Variants in DPY19L2 observed in about 807,000 individuals in gnomAD.
The protein encoded by DPY19L2 is probable C-mannosyltransferase DPY19L2.
Under a neutral mutation model 97.9 loss-of-function variants are expected in DPY19L2, and 34 were observed. The ratio of observed to expected loss-of-function variants is 0.35; its 90% confidence interval spans 0.26 to 0.46. The LOEUF (loss-of-function observed/expected upper bound fraction) is 0.46, where lower values mean the gene tolerates loss of function less well. Among genes scored for constraint, DPY19L2 ranks in the 20% least tolerant of loss-of-function variants. The probability of loss-of-function intolerance (pLI) is 1.00; values close to 1 mark genes in which losing one functional copy is unlikely to be tolerated. For missense variants in DPY19L2, 623 were observed against 911.4 expected, an observed-to-expected ratio of 0.68 and a Z score of 4.07; for synonymous variants, 230 against 307.9, an observed-to-expected ratio of 0.75 and a Z score of 2.65.
intron 21 of DPY19L2, among the ~76,000 whole-genome samples, chr12:63,565,820 C>T (rs1199538271): frequency 6.6e-6 from 1 of 151,960 alleles, no homozygotes; most frequent in Non-Finnish European, 1.5e-5. Context: ...TTGTTTGTTG[C>T]CTTTTGGGTT....
Position 63,661,445 on chromosome 12 carries a change from C to T in DPY19L2, c.487G>A (p.Ala163Thr). 1.3e-6 allele frequency: 2 copies of T among 1,599,200 alleles called. No individual in the cohort carries two copies. Among genetic ancestry groups the T allele is most frequent in the South Asian group, 2.3e-5 (2 of 87,644 alleles). ...YYSYFKTIIE[A>T]PSFLEGLWMI... ...CACAGTCCTTCCAAAAACGAAGGTGCTTCAATAATGGTCTTGAAGTATGAA... is the reference window on the plus strand; with the variant it reads ...CACAGTCCTTCCAAAAACGAAGGTGTTTCAATAATGGTCTTGAAGTATGAA... The change falls in exon 4 of 22, where the codon GCA (alanine) becomes ACA (threonine). Residue 163 changes from alanine to threonine, a missense_variant. Around this residue, in one of 6 missense-constraint regions of DPY19L2, gnomAD observed 84 missense variants for 125.4 expected, o/e 0.67. Coordinates refer to ENST00000324472, the MANE Select transcript of DPY19L2 (RefSeq NM_173812.5).
At position 63,569,306 on chromosome 12, in the gene DPY19L2, C is replaced by A; in HGVS notation, c.2044G>T (p.Ala682Ser). ...IVYSTYSRKS[A>S]KEVRDKLLEL... ...AACAATTTATCTCTTACTTCTTTGG[C>A]AGATTTTCGACTATATGTAGAATAA... Residue 682 changes from alanine (A) to serine (S), a missense_variant, in exon 21 of 22, where the codon GCC becomes TCC. Around this residue, in one of 6 missense-constraint regions of DPY19L2, gnomAD observed 294 missense variants for 446.2 expected, o/e 0.66. Transcript: ENST00000324472. 1.3e-6 allele frequency: 2 copies of A among 1,598,946 alleles called. No individual in the cohort carries two copies. Among genetic ancestry groups the A allele is most frequent in the Middle Eastern group, 2.3e-4 (1 of 4,386 alleles).
At chr12:63,563,715 T>C (rs555793592) in intron 21 of DPY19L2, among the ~76,000 whole-genome samples, 1 of 152,150 alleles carries the variant, frequency 6.6e-6, no homozygotes, top group African/African-American at 2.4e-5. Context: ...TTTTGATTGG[T>C]TGTTTCCTTT....
chr12:63,642,295 TA>T (rs1164058603), intron 6 of DPY19L2, among the ~76,000 whole-genome samples: 1 of 152,160 alleles, frequency 6.6e-6, no homozygotes, highest in Non-Finnish European at 1.5e-5. Context: ...CTTTGTGGTT[TA>T]TTTTTTATCC....
chr12:63,591,330 A>G (rs557552296), intron 16 of DPY19L2, among the ~76,000 whole-genome samples: 1 of 152,280 alleles, frequency 6.6e-6, no homozygotes, highest in East Asian at 1.9e-4. Context: ...ATAAAGTAGA[A>G]GTCACAAAAT....
chr12:63,560,510 T>C lies in DPY19L2; in HGVS notation c.*2A>G, dbSNP rs1239931693. On this transcript the variant is annotated 3_prime_UTR_variant, in exon 22 of 22. Coordinates refer to ENST00000324472, the MANE Select transcript of DPY19L2 (RefSeq NM_173812.5). Reference sequence around the variant, plus strand: ...GCCATAGTAAAATGGGTAGTATCCTTCTCAGTTAACCTTTAATACTCTGTA... The same window carrying C: ...GCCATAGTAAAATGGGTAGTATCCTCCTCAGTTAACCTTTAATACTCTGTA... The C allele has an allele frequency of 6.2e-7, 1 of 1,612,866 alleles. No individual in the cohort carries two copies.
At chr12:63,667,457 G>C (rs1453745900) in intron 1 of DPY19L2, among the ~76,000 whole-genome samples, 1 of 152,052 alleles carries the variant, frequency 6.6e-6, no homozygotes, top group Non-Finnish European at 1.5e-5. Flanking sequence ...TGCTTGAAGG[G>C]CTTATCACAT....
At chr12:63,605,636 A>G (rs1453553848) in intron 12 of DPY19L2, among the ~76,000 whole-genome samples, 1 of 152,166 alleles carries the variant, frequency 6.6e-6, no homozygotes, top group Admixed American at 6.5e-5. Flanking sequence ...ATTGTCCTCT[A>G]AAAGGAACCA....
intron 15 of DPY19L2, among the ~76,000 whole-genome samples, chr12:63,594,404 AAGAAAGC>A (rs1883739757): frequency 6.6e-6 from 1 of 151,780 alleles, no homozygotes; most frequent in African/African-American, 2.4e-5. Flanking sequence ...AGGGGTTTAT[AAGAAAGC>A]AGAAAGGAAG....
At chr12:63,638,335 C>T (rs929774396) in intron 6 of DPY19L2, among the ~76,000 whole-genome samples, 1 of 152,244 alleles carries the variant, frequency 6.6e-6, no homozygotes, top group Non-Finnish European at 1.5e-5. Flanking sequence ...TCCTTTTCAA[C>T]ATAGTGTTGG....
At chr12:63,566,656 G>A (rs1877769791) in intron 21 of DPY19L2, among the ~76,000 whole-genome samples, 1 of 151,858 alleles carries the variant, frequency 6.6e-6, no homozygotes, top group Non-Finnish European at 1.5e-5. Context: ...GTATTCCATG[G>A]TATGAATAGA....
intron 4 of DPY19L2, among the ~76,000 whole-genome samples, chr12:63,659,805 T>C (rs537152936): frequency 4.6e-5 from 7 of 152,222 alleles, no homozygotes; most frequent in African/African-American, 1.7e-4. Context: ...GCTTCATACA[T>C]TTGTCAAAAC....
intron 12 of DPY19L2, among the ~76,000 whole-genome samples, chr12:63,605,898 C>A (rs1885962318): frequency 6.6e-6 from 1 of 152,122 alleles, no homozygotes; most frequent in South Asian, 2.1e-4. Context: ...TGAACATCAA[C>A]TGGGGAGAAC....
At chr12:63,570,382 G>A (rs1878573122) in intron 20 of DPY19L2, among the ~76,000 whole-genome samples, 1 of 152,176 alleles carries the variant, frequency 6.6e-6, no homozygotes, top group Non-Finnish European at 1.5e-5. Flanking sequence ...ATCAGAGTGG[G>A]GCTTGTGGTG....
chr12:63,663,741 A>G lies in DPY19L2; in HGVS notation c.450+17T>C. On this transcript the variant is annotated intron_variant, in intron 3 of 21. Coordinates refer to ENST00000324472, the MANE Select transcript of DPY19L2 (RefSeq NM_173812.5). ...TTCTTAAACCACAAATTAATTCATTAGAAGAAGAAACCTAACCATTTCAGT... is the reference window on the plus strand; with the variant it reads ...TTCTTAAACCACAAATTAATTCATTGGAAGAAGAAACCTAACCATTTCAGT... 6.3e-7 allele frequency: 1 copy of G among 1,586,080 alleles called. No individual in the cohort carries two copies. Among genetic ancestry groups the G allele is most frequent in the Non-Finnish European group, 8.6e-7 (1 of 1,166,930 alleles).
At chr12:63,652,419 T>C (rs892675537) in intron 4 of DPY19L2, among the ~76,000 whole-genome samples, 10 of 152,138 alleles carry the variant, frequency 6.6e-5, no homozygotes, top group African/African-American at 2.4e-4. Context: ...ACCCCATTAC[T>C]AGGTATATAC....
Position 63,582,536 on chromosome 12 carries a change from CAAAT to C in DPY19L2, c.1606-15_1606-12del. 1 of 1,601,708 alleles carries C rather than the reference CAAAT, an allele frequency of 6.2e-7. No individual in the cohort carries two copies. Among genetic ancestry groups the C allele is most frequent in the Non-Finnish European group, 8.5e-7 (1 of 1,176,082 alleles). The stretch of plus-strand genomic sequence containing the variant: ...TGTGTGAAAAGCCAGCTATAAAACA[CAAAT>C]AAGACAAAATCACATTTTTACTTTT... On this transcript the variant is annotated splice_polypyrimidine_tract_variant and intron_variant, in intron 17 of 21. Coordinates refer to ENST00000324472, the MANE Select transcript of DPY19L2 (RefSeq NM_173812.5).
chr12:63,617,323 G>A lies in DPY19L2; in HGVS notation c.1199C>T (p.Ser400Leu), dbSNP rs1447214355. The A allele has an allele frequency of 2.5e-6, 4 of 1,595,192 alleles. No homozygotes were observed. Among genetic ancestry groups the A allele is most frequent in the Admixed American group, 1.7e-5 (1 of 58,728 alleles). ...ACTTACCCACGTCATTAACAAAGATGAAGAATAATAAGAAGATAAGTACAT... is the reference window on the plus strand; with the variant it reads ...ACTTACCCACGTCATTAACAAAGATAAAGAATAATAAGAAGATAAGTACAT... ...NSMYLSSYYS[S>L]SLLMTWAIIL... The change falls in exon 11 of 22, where the codon TCA becomes TTA. Residue 400 changes from serine to leucine, a missense_variant. Ser to Leu is a moderately radical substitution (Grantham distance 145). Around this residue, in one of 6 missense-constraint regions of DPY19L2, gnomAD observed 294 missense variants for 446.2 expected, o/e 0.66. Coordinates refer to ENST00000324472, the MANE Select transcript of DPY19L2 (RefSeq NM_173812.5).
chr12:63,595,863 G>A (rs1027721801), intron 15 of DPY19L2, 103 bp downstream of exon 15: 3 of 1,078,390 alleles, frequency 2.8e-6, no homozygotes, highest in African/African-American at 3.3e-5. Context: ...CTTTTAGAGA[G>A]AGAAAGAGTT....
Sources: gnomAD v4.1 joint callset for allele counts (sites outside exome capture counted in the v4.1 genomes callset) on GRCh38, gnomAD v4.1.1 for gene constraint, gnomAD v4.1.1 regional missense constraint, MANE v1.5 for transcripts, NCBI Gene and HGNC (gene_info 2026-07-23, HGNC 2026-07-21) for gene names.